The following SLC5A11 variants were observed in gnomAD, a reference collection of about 807,000 sequenced individuals.
SLC5A11 encodes sodium/myo-inositol cotransporter 2.
Under a neutral mutation model 69.8 loss-of-function variants are expected in SLC5A11, and 48 were observed. The observed-to-expected ratio is 0.69, with a 90% CI of 0.55 to 0.87. SLC5A11 has a LOEUF of 0.87. Ranked by LOEUF, SLC5A11 falls within the 40% of genes least tolerant of loss-of-function variation. SLC5A11 has a pLI of 0.00. For missense variants in SLC5A11, 784 were observed against 866.1 expected, an observed-to-expected ratio of 0.91 and a Z score of 1.19; for synonymous variants, 319 against 342.4, an observed-to-expected ratio of 0.93 and a Z score of 0.75.
chr16:24,877,269 T>C (rs988398350), exon 7 of SLC5A11: 41 of 1,613,970 alleles, frequency 2.5e-5, no homozygotes, highest in Non-Finnish European at 3.5e-5. Flanking sequence ...TAGACATGTA[T>C]GCAGGTGCCA....
intron 3 of SLC5A11, 56 bp from the exon 5 acceptor site, chr16:24,869,845 G>T: frequency 8.0e-7 from 1 of 1,246,140 alleles, no homozygotes; most frequent in South Asian, 1.2e-5. Flanking sequence ...ATTGGGGGTG[G>T]GGAGCAGGTA....
intron 3 of SLC5A11, 101 bp downstream of exon 4, chr16:24,862,773 C>A: frequency 9.9e-7 from 1 of 1,006,574 alleles, no homozygotes; most frequent in South Asian, 1.9e-5. Flanking sequence ...GGTCTCATGT[C>A]GTTTGGAAGT....
At chr16:24,897,016 G>T (rs374287003) in intron 9 of SLC5A11, among the ~76,000 whole-genome samples, 10 of 138,956 alleles carry the variant, frequency 7.2e-5, no homozygotes, top group African/African-American at 2.7e-4. Flanking sequence ...GCAGTGGTGC[G>T]ATCTTGGCTC....
At chr16:24,870,117 G>T in intron 4 of SLC5A11, 112 bp downstream of exon 5, 1 of 745,616 alleles carries the variant, frequency 1.3e-6, no homozygotes. Context: ...GTGGGGCCAG[G>T]CGCGGTGGCT....
At chr16:24,849,948 A>G (rs1489852707) in intron 1 of SLC5A11, among the ~76,000 whole-genome samples, 1 of 151,660 alleles carries the variant, frequency 6.6e-6, no homozygotes, top group Non-Finnish European at 1.5e-5. Flanking sequence ...TTTTTATTTT[A>G]TTATCATTAT....
At chr16:24,901,227 A>T (rs1468345462) in intron 10 of SLC5A11, among the ~76,000 whole-genome samples, 1 of 152,202 alleles carries the variant, frequency 6.6e-6, no homozygotes, top group Non-Finnish European at 1.5e-5. Context: ...ATTATTTTAT[A>T]CATGTATTAC....
chr16:24,890,483 C>CA (rs1171814653), intron 8 of SLC5A11, among the ~76,000 whole-genome samples: 88 of 77,518 alleles, frequency 1.1e-3, no homozygotes, highest in African/African-American at 3.2e-3. Flanking sequence ...GACTTCATAT[C>CA]AAAAAAAAAA....
intron 8 of SLC5A11, among the ~76,000 whole-genome samples, chr16:24,888,783 CTTTTTTTTTTTTTT>C (rs1169015317): frequency 2.2e-4 from 10 of 45,740 alleles, no homozygotes; most frequent in Non-Finnish European, 4.1e-4. Flanking sequence ...CGTGCCTGTC[CTTTTTTTTTTTTTT>C]TTTTTTTTTT....
At chr16:24,881,968 A>C (rs1031837427) in intron 7 of SLC5A11, among the ~76,000 whole-genome samples, 6 of 152,200 alleles carry the variant, frequency 3.9e-5, no homozygotes, top group East Asian at 3.8e-4. Context: ...AATTGACAAA[A>C]TCTAACATAT....
At chr16:24,877,477 C>A in intron 7 of SLC5A11, 114 bp downstream of exon 8, 1 of 719,164 alleles carries the variant, frequency 1.4e-6, no homozygotes, top group Non-Finnish European at 2.4e-6. Context: ...CCCATTTATT[C>A]ATTAAACGTC....
exon 7 of SLC5A11, chr16:24,877,278 C>A: frequency 6.2e-7 from 1 of 1,614,102 alleles, no homozygotes; most frequent in Non-Finnish European, 8.5e-7. Context: ...ATGCAGGTGC[C>A]ATCTTCATCC....
chr16:24,877,960 G>A (rs892119050), intron 7 of SLC5A11, among the ~76,000 whole-genome samples: 1 of 152,108 alleles, frequency 6.6e-6, no homozygotes, highest in African/African-American at 2.4e-5. Context: ...CTCCAGCCTG[G>A]GTGACAGAGC....
At chr16:24,853,700 A>C (rs1188028267) in intron 1 of SLC5A11, among the ~76,000 whole-genome samples, 1 of 152,216 alleles carries the variant, frequency 6.6e-6, no homozygotes, top group Non-Finnish European at 1.5e-5. Flanking sequence ...CAGCACAGCT[A>C]TGCCTGAGTT....
At chr16:24,861,150 A>T (rs945751655) in intron 2 of SLC5A11, among the ~76,000 whole-genome samples, 4 of 151,822 alleles carry the variant, frequency 2.6e-5, no homozygotes, top group African/African-American at 4.8e-5. Flanking sequence ...TTTTCTTATC[A>T]ATTTCCAGGA....
chr16:24,880,526 G>T (rs1254011206), intron 7 of SLC5A11, among the ~76,000 whole-genome samples: 1 of 152,044 alleles, frequency 6.6e-6, no homozygotes, highest in African/African-American at 2.4e-5. Flanking sequence ...TAGAGACAGG[G>T]TTTCTCCATG....
intron 7 of SLC5A11, among the ~76,000 whole-genome samples, chr16:24,877,853 C>T (rs1457410648): frequency 6.6e-6 from 1 of 152,114 alleles, no homozygotes; most frequent in African/African-American, 2.4e-5. Flanking sequence ...GCATGATGGC[C>T]CGTGCCTGAA....
At chr16:24,868,523 T>TG (rs1417008061) in intron 3 of SLC5A11, among the ~76,000 whole-genome samples, 1 of 141,840 alleles carries the variant, frequency 7.1e-6, no homozygotes, top group Non-Finnish European at 1.5e-5. Context: ...GGCATGAACC[T>TG]GGGGGATGGA....
chr16:24,909,829 T>TAAAAAAAAAAAAAACAAAAAAAAA, intron 14 of SLC5A11, among the ~76,000 whole-genome samples: 1 of 103,916 alleles, frequency 9.6e-6, no homozygotes, highest in Non-Finnish European at 1.8e-5. Context: ...AGCCTGTCTT[T>TAAAAAAAAAAAAAACAAAAAAAAA]AAAAAAAAAA....
In SLC5A11 at chr16:24,897,954, A is replaced by G. The variant is rs1362700631; in HGVS notation, c.871-20A>G. 2 of 1,612,254 alleles carry G rather than the reference A, an allele frequency of 1.2e-6. No homozygotes were observed. Among genetic ancestry groups the G allele is most frequent in the East Asian group, 2.2e-5 (1 of 44,858 alleles). On this transcript the variant is annotated intron_variant, in intron 9 of 15. Coordinates refer to ENST00000347898, the Ensembl canonical transcript of SLC5A11. Reference sequence around the variant, plus strand: ...ACTATATCAGCATTCCCAGTTTCCAACCCCCTTGATCTTTTCCAGGTGATT... The same window carrying G: ...ACTATATCAGCATTCCCAGTTTCCAGCCCCCTTGATCTTTTCCAGGTGATT...
Sources: allele counts gnomAD v4.1 joint callset (sites outside exome capture counted in the v4.1 genomes callset), GRCh38; gene constraint gnomAD v4.1.1; transcripts MANE v1.5; gene names NCBI Gene and HGNC (gene_info 2026-07-23, HGNC 2026-07-21).